The following ADK variants were observed in gnomAD, a reference collection of about 807,000 sequenced individuals.
ADK encodes the protein adenosine kinase.
Under a neutral mutation model 44.7 loss-of-function variants are expected in ADK, and 24 were observed. The observed-to-expected ratio is 0.54, with a 90% CI of 0.39 to 0.76. The LOEUF is 0.76. Among genes scored for constraint, ADK ranks in the 30% least tolerant of loss-of-function variants. The pLI is 0.00. For synonymous variants in ADK, 128 were observed against 142.6 expected, an observed-to-expected ratio of 0.90 and a Z score of 0.73; for missense variants, 321 against 425.1, an observed-to-expected ratio of 0.76 and a Z score of 2.15.
intron 3 of ADK, among the ~76,000 whole-genome samples, chr10:74,247,114 A>G (rs1001780759): frequency 2.0e-5 from 3 of 151,554 alleles, no homozygotes; most frequent in Admixed American, 2.0e-4. Context: ...ATAGATGAGA[A>G]TACTATGAGC....
chr10:74,268,188 T>G (rs1846289252), intron 3 of ADK, among the ~76,000 whole-genome samples: 2 of 152,076 alleles, frequency 1.3e-5, no homozygotes, highest in Admixed American at 6.5e-5. Flanking sequence ...CCAGAGATAG[T>G]GGCATGAACC....
rs113368408 is a variant in ADK at position 74,406,279 on chromosome 10, C to G, written c.555+7700C>G. 5.1e-3 allele frequency among the ~76,000 whole-genome samples: 772 copies of G among 152,122 alleles called. 11 individuals carry two copies. Among genetic ancestry groups the G allele is most frequent in the African/African-American group, 0.017 (720 of 41,486 alleles). ...CTTTGCATTGTTTTTGAAAGGAAGCCTGCTGCCATTCCTATCATTGTTCCC... is the reference window on the plus strand; with the variant it reads ...CTTTGCATTGTTTTTGAAAGGAAGCGTGCTGCCATTCCTATCATTGTTCCC... On this transcript the variant is annotated intron_variant, in intron 6 of 10. Transcript: ENST00000539909.
chr10:74,679,525 G>C (rs1369564704), intron 10 of ADK, among the ~76,000 whole-genome samples: 1 of 151,628 alleles, frequency 6.6e-6, no homozygotes, highest in Non-Finnish European at 1.5e-5. Flanking sequence ...CAAAGTCTGG[G>C]ATTCACTGAT....
chr10:74,570,332 G>T (rs2133853393), intron 7 of ADK, among the ~76,000 whole-genome samples: 1 of 152,270 alleles, frequency 6.6e-6, no homozygotes, highest in South Asian at 2.1e-4. Flanking sequence ...CAGTTTGATG[G>T]GGATGGCATT....
intron 1 of ADK, among the ~76,000 whole-genome samples, chr10:74,153,968 A>AGGC (rs1157052998): frequency 7.2e-5 from 11 of 152,216 alleles, no homozygotes; most frequent in Admixed American, 7.2e-4. Context: ...GAAAGAGGTA[A>AGGC]GGCACAGGTA....
intron 1 of ADK, among the ~76,000 whole-genome samples, chr10:74,182,004 T>A (rs1842577540): frequency 6.6e-6 from 1 of 152,198 alleles, no homozygotes. Flanking sequence ...GGGTTAAGCC[T>A]ACATTGGAAA....
chr10:74,357,696 G>C (rs1842193553), intron 4 of ADK, among the ~76,000 whole-genome samples: 1 of 151,948 alleles, frequency 6.6e-6, no homozygotes, highest in African/African-American at 2.4e-5. Flanking sequence ...TCCTTACATA[G>C]ACCGATAAAA....
chr10:74,619,377 C>T (rs925461498), intron 9 of ADK, among the ~76,000 whole-genome samples: 10 of 151,932 alleles, frequency 6.6e-5, no homozygotes, highest in African/African-American at 1.5e-4. Context: ...ATTGCTTGAA[C>T]CCAGGAGGCA....
intron 4 of ADK, chr10:74,371,490 G>A (rs1842656365): frequency 4.3e-6 from 3 of 693,226 alleles, no homozygotes; most frequent in East Asian, 2.7e-5. Flanking sequence ...TCCATACGGC[G>A]TTCTTTCTGG....
Position 74,255,471 on chromosome 10 carries a change from G to T in ADK, c.194+30880G>T, listed in dbSNP as rs112905936. ...TACCCTGTCATTGCCTCTTGGTTCT[G>T]CTTTTACCTTTGAGCCACAAGGAGT... On this transcript the variant is annotated intron_variant, in intron 3 of 10. Coordinates refer to ENST00000539909, the MANE Select transcript of ADK (RefSeq NM_006721.4). Among the ~76,000 whole-genome samples, 24 of 152,264 alleles carry T rather than the reference G, an allele frequency of 1.6e-4. 2 individuals are homozygous for T. The highest frequency in any genetic ancestry group is 5.1e-4 in the African/African-American group (21 of 41,558).
intron 6 of ADK, among the ~76,000 whole-genome samples, chr10:74,472,005 C>CCTTT (rs757850298): frequency 1.3e-5 from 2 of 151,978 alleles, no homozygotes; most frequent in South Asian, 2.1e-4. Context: ...TTTCCTCTTT[C>CCTTT]CTTTCTTTCT....
At chr10:74,573,962 G>T (rs560864847) in intron 7 of ADK, among the ~76,000 whole-genome samples, 1 of 152,308 alleles carries the variant, frequency 6.6e-6, no homozygotes, top group East Asian at 1.9e-4. Context: ...CGCTTCCCGA[G>T]TGAGGCAATG....
At position 74,600,586 on chromosome 10, in the gene ADK, A is replaced by G. The variant is rs527312150; in HGVS notation, c.877+93A>G. 1.4e-4 allele frequency: 57 copies of G among 417,106 alleles called. No individual in the cohort carries two copies. In the East Asian group the frequency reaches 2.7e-3, roughly 19 times the overall value. 25.8% of individuals were successfully genotyped at this position (417,106 alleles called of 1,614,324 possible). ...TATTCTTTCTATTATAATATATACA[A>G]TATACATATACAATATATATAAAAT... On this transcript the variant is annotated intron_variant, in intron 9 of 10. Coordinates refer to ENST00000539909, the MANE Select transcript of ADK (RefSeq NM_006721.4).
At chr10:74,239,277 T>G (rs1845099463) in intron 3 of ADK, among the ~76,000 whole-genome samples, 1 of 152,178 alleles carries the variant, frequency 6.6e-6, no homozygotes, top group Non-Finnish European at 1.5e-5. Flanking sequence ...AAATTGTTAC[T>G]TGATGTTTGG....
chr10:74,397,339 A>G (rs1235169192), intron 5 of ADK, among the ~76,000 whole-genome samples: 2 of 151,924 alleles, frequency 1.3e-5, no homozygotes, highest in Non-Finnish European at 2.9e-5. Flanking sequence ...ACATATTACC[A>G]AAGTCTGAAA....
At chr10:74,427,190 G>GTTTAT (rs890492902) in intron 6 of ADK, among the ~76,000 whole-genome samples, 9 of 151,940 alleles carry the variant, frequency 5.9e-5, no homozygotes, top group East Asian at 3.9e-4. Flanking sequence ...ACTTTTGTAG[G>GTTTAT]TTTATTTTAT....
At chr10:74,544,476 T>C (rs1248756871) in intron 7 of ADK, among the ~76,000 whole-genome samples, 1 of 152,218 alleles carries the variant, frequency 6.6e-6, no homozygotes, top group African/African-American at 2.4e-5. Context: ...TATTAATAGA[T>C]TACTATTTAT....
rs1484620399 is a variant in ADK, at chr10:74,237,863, CT to C, written c.194+13273del. On this transcript the variant is annotated intron_variant, in intron 3 of 10. Transcript: ENST00000539909. ...TCTGTAATTCCAGGACTTTGGGAGA[CT>C]GAGGCAGGCAGATCACCTGAGGTCG... Among the ~76,000 whole-genome samples, 3 of 152,112 alleles carry C rather than the reference CT, an allele frequency of 2.0e-5. No homozygotes were observed. The East Asian group carries it at 5.8e-4, about 29-fold the overall frequency.
intron 3 of ADK, among the ~76,000 whole-genome samples, chr10:74,255,326 G>A (rs1438745975): frequency 6.6e-6 from 1 of 152,052 alleles, no homozygotes; most frequent in Admixed American, 6.6e-5. Context: ...GCACCAGGTG[G>A]TCTTTTGGTG....
Sources: gnomAD v4.1 joint callset for allele counts (sites outside exome capture counted in the v4.1 genomes callset) on GRCh38, gnomAD v4.1.1 for gene constraint, MANE v1.5 for transcripts, NCBI Gene and HGNC (gene_info 2026-07-23, HGNC 2026-07-21) for gene names.